The following PRKG2 variants were observed in gnomAD, a reference collection of about 807,000 sequenced individuals.
PRKG2 encodes protein kinase cGMP-dependent 2, also known as cGMP-dependent protein kinase 2.
Under a neutral mutation model 97.2 loss-of-function variants are expected in PRKG2, and 33 were observed. The ratio of observed to expected loss-of-function variants is 0.34; its 90% CI spans 0.26 to 0.45. The LOEUF is 0.45. PRKG2 is among the 20% of genes least tolerant of loss of function. The probability of loss-of-function intolerance (pLI) is 1.00; values close to 1 mark genes in which losing one functional copy is unlikely to be tolerated. For synonymous variants in PRKG2, 330 were observed against 321.8 expected, an observed-to-expected ratio of 1.03 and a Z score of -0.27; for missense variants, 638 against 900.0, an observed-to-expected ratio of 0.71 and a Z score of 3.73.
At chr4:81,096,368 C>T (rs1358733377) in intron 17 of PRKG2, among the ~76,000 whole-genome samples, 1 of 151,258 alleles carries the variant, frequency 6.6e-6, no homozygotes, top group Non-Finnish European at 1.5e-5. Context: ...CCCATCTCTA[C>T]AAAAAAAATG....
chr4:81,217,129 T>G (rs1173926378), upstream of PRKG2, among the ~76,000 whole-genome samples: 1 of 150,432 alleles, frequency 6.6e-6, no homozygotes, highest in Non-Finnish European at 1.5e-5. Context: ...GACTCCATGA[T>G]TTTGCTATTG....
chr4:81,209,016 A>T (rs1447426173), intron 1 of PRKG2, among the ~76,000 whole-genome samples: 2 of 152,132 alleles, frequency 1.3e-5, no homozygotes, highest in Admixed American at 1.3e-4. Flanking sequence ...ACCATAGTTC[A>T]CTCTGGAGGC....
intron 14 of PRKG2, among the ~76,000 whole-genome samples, chr4:81,131,441 G>A (rs976045616): frequency 6.6e-6 from 1 of 151,998 alleles, no homozygotes; most frequent in African/African-American, 2.4e-5. Flanking sequence ...ACCATGAAGT[G>A]GTTTTTTAAG....
chr4:81,198,496 C>T (rs999757623), intron 2 of PRKG2, among the ~76,000 whole-genome samples: 1 of 152,016 alleles, frequency 6.6e-6, no homozygotes, highest in Non-Finnish European at 1.5e-5. Flanking sequence ...CCCACCCTAC[C>T]TCACCCCCAC....
intron 5 of PRKG2, 104 bp downstream of exon 5, chr4:81,169,559 T>C: frequency 1.2e-6 from 1 of 843,004 alleles, no homozygotes. Flanking sequence ...TGGAAAATGC[T>C]TAAATGGAAG....
intron 8 of PRKG2, among the ~76,000 whole-genome samples, chr4:81,150,873 T>A (rs766740744): frequency 8.6e-4 from 131 of 152,268 alleles, no homozygotes; most frequent in Non-Finnish European, 1.4e-3. Flanking sequence ...AGAATATTAA[T>A]TTTCCTAATA....
At chr4:81,214,273 A>G (rs756513918) in intron 1 of PRKG2, among the ~76,000 whole-genome samples, 6 of 151,892 alleles carry the variant, frequency 4.0e-5, no homozygotes, top group Non-Finnish European at 5.9e-5. Context: ...CCTACCTACT[A>G]ATTCTGCATG....
intron 15 of PRKG2, among the ~76,000 whole-genome samples, chr4:81,109,299 A>G (rs1221631074): frequency 6.6e-6 from 1 of 152,266 alleles, no homozygotes; most frequent in Non-Finnish European, 1.5e-5. Context: ...TTCATAAAGT[A>G]TGTGTTAAGA....
chr4:81,144,552 G>C (rs1747621817), intron 9 of PRKG2, among the ~76,000 whole-genome samples: 1 of 150,840 alleles, frequency 6.6e-6, no homozygotes, highest in South Asian at 2.1e-4. Flanking sequence ...CTATTAATGA[G>C]AACAGGAAAC....
chr4:81,200,469 A>C (rs775399914), intron 2 of PRKG2, among the ~76,000 whole-genome samples: 45 of 152,326 alleles, frequency 3.0e-4, no homozygotes, highest in Non-Finnish European at 4.6e-4. Flanking sequence ...TCCAGGAAGC[A>C]CCACCACTCT....
intron 11 of PRKG2, among the ~76,000 whole-genome samples, chr4:81,142,570 G>C (rs917980018): frequency 6.6e-6 from 1 of 152,100 alleles, no homozygotes; most frequent in Non-Finnish European, 1.5e-5. Context: ...CACAAAAGAC[G>C]TGATGTAAGC....
intron 2 of PRKG2, among the ~76,000 whole-genome samples, chr4:81,198,462 T>A (rs1753097536): frequency 1.3e-5 from 2 of 152,090 alleles, no homozygotes; most frequent in Admixed American, 6.6e-5. Context: ...TACCTCTTCC[T>A]TTTTTTGGAG....
At chr4:81,162,021 T>C (rs977624583) in intron 6 of PRKG2, among the ~76,000 whole-genome samples, 3 of 152,274 alleles carry the variant, frequency 2.0e-5, no homozygotes, top group South Asian at 2.1e-4. Flanking sequence ...ATCTAAAATA[T>C]AGTAAATGCA....
intron 2 of PRKG2, among the ~76,000 whole-genome samples, chr4:81,179,026 G>A (rs942738413): frequency 6.6e-6 from 1 of 151,996 alleles, no homozygotes; most frequent in Non-Finnish European, 1.5e-5. Flanking sequence ...TTTGGAGGCT[G>A]AGGCAGGAGA....
At chr4:81,166,702 A>G (rs1750018239) in intron 6 of PRKG2, among the ~76,000 whole-genome samples, 1 of 152,104 alleles carries the variant, frequency 6.6e-6, no homozygotes, top group African/African-American at 2.4e-5. Context: ...TTTGTGGCCT[A>G]GAGTGTTCAA....
intron 1 of PRKG2, among the ~76,000 whole-genome samples, chr4:81,212,367 TG>T (rs1343599123): frequency 6.6e-6 from 1 of 151,578 alleles, no homozygotes; most frequent in African/African-American, 2.4e-5. Context: ...TTCAGCTATT[TG>T]GGGGGCTACA....
intron 2 of PRKG2, among the ~76,000 whole-genome samples, chr4:81,180,546 T>C (rs1462441297): frequency 6.6e-6 from 1 of 152,196 alleles, no homozygotes; most frequent in Non-Finnish European, 1.5e-5. Context: ...CAGAGGAATA[T>C]TTCATATTTA....
intron 15 of PRKG2, 56 bp from the exon 16 acceptor site, chr4:81,105,991 T>C: frequency 6.5e-7 from 1 of 1,531,826 alleles, no homozygotes. Context: ...GAGATCACAT[T>C]TGGAATGAAT....
At chr4:81,210,943 C>CA (rs1267482558) in intron 1 of PRKG2, among the ~76,000 whole-genome samples, 3 of 152,066 alleles carry the variant, frequency 2.0e-5, no homozygotes, top group African/African-American at 7.2e-5. Context: ...AGAAGCCAAT[C>CA]TGAAAAGCCT....
Sources: gnomAD v4.1 joint callset for allele counts (sites outside exome capture counted in the v4.1 genomes callset) on GRCh38, gnomAD v4.1.1 for gene constraint, MANE v1.5 for transcripts, NCBI Gene and HGNC (gene_info 2026-07-23, HGNC 2026-07-21) for gene names.